Variants in PDGFRB observed in about 807,000 individuals in gnomAD.
PDGFRB encodes the protein platelet-derived growth factor receptor beta.
In PDGFRB, 42 loss-of-function variants were observed where a neutral mutation model predicts 120.2. The observed-to-expected ratio is 0.35, with a 90% confidence interval of 0.27 to 0.45. PDGFRB has a LOEUF of 0.45. Among genes scored for constraint, PDGFRB ranks in the 20% least tolerant of loss-of-function variants. The pLI, the probability that PDGFRB is intolerant of heterozygous loss-of-function variation, is 1.00. For missense variants in PDGFRB, 1,149 were observed against 1,476.3 expected (o/e 0.78, Z 3.63); for synonymous variants, 586 against 606.8 (o/e 0.97, Z 0.50).
At chr5:150,137,141 C>T (rs2113915277) in intron 1 of PDGFRB, 88 bp from the exon 2 acceptor site, 1 of 1,080,106 alleles carries the variant, frequency 9.3e-7, no homozygotes, top group East Asian at 2.5e-5. Flanking sequence ...AGAATGAGCC[C>T]CAGCTTGGGC....
intron 1 of PDGFRB, among the ~76,000 whole-genome samples, chr5:150,146,340 C>G (rs1326929811): frequency 1.3e-5 from 2 of 152,196 alleles, no homozygotes; most frequent in Non-Finnish European, 2.9e-5. Context: ...TAATTTAGAG[C>G]CAGGCACTCT....
chr5:150,135,945 G>T, intron 2 of PDGFRB, 67 bp from the exon 3 acceptor site: 1 of 1,131,502 alleles, frequency 8.8e-7, no homozygotes. Context: ...GGCTGAGCCT[G>T]CGAGGAGGCC....
rs1759891028 is a variant in PDGFRB, at chr5:150,115,240, C to T, written c.*523G>A. 1 of 233,150 alleles carries T rather than the reference C, an allele frequency of 4.3e-6. No homozygotes were observed. Among genetic ancestry groups the T allele is most frequent in the African/African-American group, 2.2e-5 (1 of 45,318 alleles). 14.4% of individuals were successfully genotyped at this position (233,150 alleles called of 1,614,324 possible). A position where few individuals can be genotyped will look rare whatever the true frequency, so the allele number is the denominator to read the frequency against. On this transcript the variant is annotated 3_prime_UTR_variant, in exon 23 of 23. Transcript: ENST00000261799. ...ACTGGCTTTCTTCTGGATGAGGCAA[C>T]ACTGCTCAAGGCTAGGCCCTAGCTC...
At position 150,123,112 on chromosome 5, in the gene PDGFRB, A is replaced by G. The variant is rs112292721; in HGVS notation, c.2113T>C (p.Ser705Pro). The change falls in exon 15 of 23, where the codon TCC becomes CCC. Residue 705 changes from serine (S) to proline (P), a missense_variant. Transcript: ENST00000261799. Reference sequence around the variant, plus strand: ...GCGCTGGGCGGGCGGCGCTTGTCGGAGTGGTGCTGCAGGAAGGTGTGTTTG... The same window carrying G: ...GCGCTGGGCGGGCGGCGCTTGTCGGGGTGGTGCTGCAGGAAGGTGTGTTTG... Reference protein sequence around the residue: ...RNKHTFLQHHSDKRRPPSAEL... With the variant: ...RNKHTFLQHHPDKRRPPSAEL... 1 of 1,613,994 alleles carries G rather than the reference A, an allele frequency of 6.2e-7. No homozygotes were observed. Among genetic ancestry groups the G allele is most frequent in the East Asian group, 2.2e-5 (1 of 44,872 alleles).
chr5:150,124,586 C>T (rs576833173), intron 13 of PDGFRB, 141 bp downstream of exon 13: 20 of 622,144 alleles, frequency 3.2e-5, no homozygotes, highest in South Asian at 7.9e-5. Context: ...GACCCAGACT[C>T]GGGAGCAGTG....
chr5:150,124,112 G>T, intron 14 of PDGFRB, 138 bp downstream of exon 14: 1 of 527,666 alleles, frequency 1.9e-6, no homozygotes. Flanking sequence ...GGACCGCGCA[G>T]TGAGGGCGCT....
At chr5:150,127,251 C>T (rs936736901) in intron 10 of PDGFRB, among the ~76,000 whole-genome samples, 4 of 152,212 alleles carry the variant, frequency 2.6e-5, no homozygotes, top group African/African-American at 4.8e-5. Flanking sequence ...GTCTCCTCCA[C>T]CCTCAAGGCC....
Position 150,145,988 on chromosome 5 carries a change from T to C in PDGFRB, c.-6-8935A>G, listed in dbSNP as rs538827661. Among the ~76,000 whole-genome samples the C allele has an allele frequency of 8.5e-4, 130 of 152,344 alleles. No individual in the cohort carries two copies. In the South Asian group the frequency reaches 0.015, roughly 18 times the overall value. On this transcript the variant is annotated intron_variant, in intron 1 of 22. Coordinates refer to ENST00000261799, the MANE Select transcript of PDGFRB (RefSeq NM_002609.4). ...CTTTTGAGCTGGGTAAAGCTGAAGC[T>C]GACAGTTTGAGTGGGAAACAGTCAC... is the stretch of plus-strand genomic sequence containing the variant.
chr5:150,130,578 T>C lies in PDGFRB; in HGVS notation c.1328A>G (p.Gln443Arg). The C allele has an allele frequency of 6.3e-7, 1 of 1,594,540 alleles. No individual in the cohort carries two copies. The highest frequency in any genetic ancestry group is 8.6e-7 in the Non-Finnish European group (1 of 1,169,304). The change falls in exon 9 of 23, where the codon CAG becomes CGG. Residue 443 changes from glutamine to arginine, a missense_variant. Gln to Arg is a conservative substitution (Grantham distance 43). Transcript: ENST00000261799. ...TVRCRGRGMPQPNIIWSACRD... is the reference protein window; with the variant it reads ...TVRCRGRGMPRPNIIWSACRD... ...GCAGGCAGACCAGATGATGTTCGGC[T>C]GGGGCATGCCCCGGCCACGACAGCG...
intron 1 of PDGFRB, among the ~76,000 whole-genome samples, chr5:150,145,312 TA>T (rs1469608627): frequency 1.3e-5 from 2 of 152,242 alleles, no homozygotes; most frequent in Non-Finnish European, 2.9e-5. Context: ...ACATTATCAG[TA>T]AGGCCCACAG....
chr5:150,151,944 A>T (rs539848052), intron 1 of PDGFRB, among the ~76,000 whole-genome samples: 2,882 of 145,906 alleles, frequency 0.02, 40 homozygotes, highest in South Asian at 0.042. Flanking sequence ...TTATTTATTT[A>T]TTTTTTTTGA....
intron 13 of PDGFRB, 139 bp from the exon 14 acceptor site, chr5:150,124,499 T>G: frequency 1.5e-6 from 1 of 666,814 alleles, no homozygotes; most frequent in Non-Finnish European, 2.6e-6. Flanking sequence ...GCACCCACAC[T>G]CTGAGGAGGG....
At chr5:150,145,744 A>G (rs1481906261) in intron 1 of PDGFRB, among the ~76,000 whole-genome samples, 1 of 152,118 alleles carries the variant, frequency 6.6e-6, no homozygotes, top group Non-Finnish European at 1.5e-5. Context: ...AAAAAAAATA[A>G]AAGTTAATTA....
chr5:150,126,369 G>C, intron 11 of PDGFRB, 151 bp downstream of exon 11: 1 of 651,082 alleles, frequency 1.5e-6, no homozygotes, highest in East Asian at 2.7e-5. Context: ...GGAGGAAGCT[G>C]AGACAGCCAG....
At chr5:150,133,517 C>T in intron 6 of PDGFRB, 69 bp downstream of exon 6, 1 of 1,342,438 alleles carries the variant, frequency 7.4e-7, no homozygotes, top group Non-Finnish European at 1.1e-6. Context: ...TCACTCTGCA[C>T]CCAGCAAAGT....
At chr5:150,137,310 G>A in intron 1 of PDGFRB, 1 of 452,360 alleles carries the variant, frequency 2.2e-6, no homozygotes, top group Non-Finnish European at 3.9e-6. Flanking sequence ...CGTGGCCTCG[G>A]CTGCGTCCCC....
At chr5:150,149,671 A>C (rs1761018332) in intron 1 of PDGFRB, among the ~76,000 whole-genome samples, 1 of 152,236 alleles carries the variant, frequency 6.6e-6, no homozygotes, top group Non-Finnish European at 1.5e-5. Context: ...ACAGTCCACC[A>C]GGTCAAACCT....
At chr5:150,117,571 C>CGT in intron 22 of PDGFRB, 47 bp downstream of exon 22, 1 of 1,051,934 alleles carries the variant, frequency 9.5e-7, no homozygotes, top group Non-Finnish European at 1.5e-6. Context: ...CACACACACA[C>CGT]ACACACACTG....
In PDGFRB at chr5:150,120,840, G is replaced by A. The variant is rs373144602; in HGVS notation, c.2586+48C>T. Reference sequence around the variant, plus strand: ...TGGTCAGGAGGGAATCTGTTCCTGCGGTCACAGGCACTGTGACTGCCCTGC... The same window carrying A: ...TGGTCAGGAGGGAATCTGTTCCTGCAGTCACAGGCACTGTGACTGCCCTGC... On this transcript the variant is annotated intron_variant, in intron 18 of 22. Transcript: ENST00000261799. This position sits in a 1 kb window ranked among gnomAD's most constrained non-coding sequence, Gnocchi z 4.3. The A allele has an allele frequency of 2.3e-5, 36 of 1,576,804 alleles. No individual in the cohort carries two copies. The highest frequency in any genetic ancestry group is 4.4e-5 in the South Asian group (4 of 90,096).
Sources: allele counts gnomAD v4.1 joint callset (sites outside exome capture counted in the v4.1 genomes callset), GRCh38; gene constraint gnomAD v4.1.1; non-coding constraint Gnocchi (gnomAD v3.1); transcripts MANE v1.5; gene names NCBI Gene and HGNC (gene_info 2026-07-23, HGNC 2026-07-21).